Variants in SLFN13 observed in about 807,000 individuals in gnomAD.
SLFN13 encodes schlafen family member 13, also known as schlafen-13.
SLFN13 carries 43 observed loss-of-function variants against 50.6 expected under a neutral mutation model. That is an observed-to-expected ratio of 0.85 (90% CI 0.67 to 1.09). The LOEUF (loss-of-function observed/expected upper bound fraction) is 1.09. SLFN13 is among the 50% of genes least tolerant of loss of function. The pLI, the probability that SLFN13 is intolerant of heterozygous loss-of-function variation, is 0.00. For synonymous variants in SLFN13, 339 were observed against 386.5 expected (o/e 0.88, Z 1.44); for missense variants, 881 against 1,071.1 (o/e 0.82, Z 2.48).
At position 35,440,367 on chromosome 17, in the gene SLFN13, C is replaced by G. The variant is rs1174413197; in HGVS notation, c.*228G>C. ...TAGAAAACCACCATCTTTCTGGCTGCAAGAGTCAGGGGTCAGAATGGGGGG... is the reference window on the plus strand; with the variant it reads ...TAGAAAACCACCATCTTTCTGGCTGGAAGAGTCAGGGGTCAGAATGGGGGG... On this transcript the variant is annotated 3_prime_UTR_variant, in exon 6 of 6. Coordinates refer to ENST00000285013, the MANE Select transcript of SLFN13 (RefSeq NM_144682.6). The G allele has an allele frequency of 2.1e-5, 12 of 583,388 alleles. No homozygotes were observed. The highest frequency in any genetic ancestry group is 3.0e-5 in the Admixed American group (1 of 32,856). The allele number at this position is 583,388 out of a possible 1,614,324, so 36.1% of individuals were successfully genotyped here.
Position 35,445,530 on chromosome 17 carries a change from A to ACGCGGC in SLFN13, c.145_150dup (p.Ala49_Ala50dup). ...CCTCCTCCTGAGTTTAATAAAGCAC[A>ACGCGGC]CGCGGCCCGTATAACTCTCGCCCTC... On this transcript the variant is annotated inframe_insertion, in exon 3 of 6. Coordinates refer to ENST00000285013, the MANE Select transcript of SLFN13 (RefSeq NM_144682.6). The ACGCGGC allele has an allele frequency of 6.2e-7, 1 of 1,614,100 alleles. No homozygotes were observed. Among genetic ancestry groups the ACGCGGC allele is most frequent in the Non-Finnish European group, 8.5e-7 (1 of 1,180,012 alleles).
rs942647112 is a variant in SLFN13, at chr17:35,440,389, G to C, written c.*206C>G. The C allele has an allele frequency of 1.8e-5, 11 of 627,194 alleles. No homozygotes were observed. The highest frequency in any genetic ancestry group is 1.3e-4 in the African/African-American group (7 of 54,440). The allele number at this position is 627,194 out of a possible 1,614,324, so 38.9% of individuals were successfully genotyped here. ...CTGCAAGAGTCAGGGGTCAGAATGG[G>C]GGGCAGCCACCACTGCTGAAAAGAG... On this transcript the variant is annotated 3_prime_UTR_variant, in exon 6 of 6. Coordinates refer to ENST00000285013, the MANE Select transcript of SLFN13 (RefSeq NM_144682.6).
chr17:35,442,324 T>C (rs1429541929), intron 4 of SLFN13, 38 bp from the exon 5 acceptor site: 2 of 1,518,668 alleles, frequency 1.3e-6, no homozygotes, highest in Non-Finnish European at 1.8e-6. Flanking sequence ...TTTCACTGTG[T>C]TTATGTGATT....
At position 35,445,078 on chromosome 17, in the gene SLFN13, A is replaced by C; in HGVS notation, c.603T>G (p.Gly201=). Reference sequence around the variant, plus strand: ...GAGACTCAGGAAAAGATAGGATTTCACCATATTCAATAGTGTCAGTTTGGA... The same window carrying C: ...GAGACTCAGGAAAAGATAGGATTTCCCCATATTCAATAGTGTCAGTTTGGA... ...EVFQTDTIEY[G]EILSFPESPS... is the part of the protein sequence containing the mutation. The change falls in exon 3 of 6, where the codon GGT becomes GGG. Residue 201 remains glycine, a synonymous_variant. Transcript: ENST00000285013. The C allele has an allele frequency of 6.2e-7, 1 of 1,614,002 alleles. No individual in the cohort carries two copies. Among genetic ancestry groups the C allele is most frequent in the South Asian group, 1.1e-5 (1 of 91,080 alleles).
rs116769825 is a variant in SLFN13 at position 35,442,020 on chromosome 17, G to A, written c.1465C>T (p.Arg489Cys). ...TTCTGCTTCAAAGTAAAGGCGGTGCGAGTGCAGTAGTCCTGGCCCTCTGCA... is the reference window on the plus strand; with the variant it reads ...TTCTGCTTCAAAGTAAAGGCGGTGCAAGTGCAGTAGTCCTGGCCCTCTGCA... ...QDAEGQDYCT[R>C]TAFTLKQKLV... The change falls in exon 5 of 6, where the codon CGC becomes TGC. Residue 489 changes from arginine (R) to cysteine (C), a missense_variant. By Grantham distance (180) the Arg-to-Cys change is radical. Transcript: ENST00000285013. The A allele has an allele frequency of 6.4e-3, 10,163 of 1,584,822 alleles. 20 individuals are homozygous for A. Among genetic ancestry groups the A allele is most frequent in the African/African-American group, 0.047 (3,452 of 73,676 alleles).
chr17:35,435,555 A>C lies in SLFN13; in HGVS notation c.*5040T>G, dbSNP rs1313504168. The C allele has an allele frequency of 1.3e-5, 2 of 152,082 alleles. No individual in the cohort carries two copies. Among genetic ancestry groups the C allele is most frequent in the African/African-American group, 4.8e-5 (2 of 41,410 alleles). The allele number at this position is 152,082 out of a possible 1,614,324, so 9.4% of individuals were successfully genotyped here. ...TGCCTTGGCCTCTGGAAGTGCTGAGATTACAGGTGTGAGCCACCATGCTGG... is the reference window on the plus strand; with the variant it reads ...TGCCTTGGCCTCTGGAAGTGCTGAGCTTACAGGTGTGAGCCACCATGCTGG... On this transcript the variant is annotated 3_prime_UTR_variant, in exon 6 of 6. Coordinates refer to ENST00000285013, the MANE Select transcript of SLFN13 (RefSeq NM_144682.6).
Position 35,445,333 on chromosome 17 carries a change from A to C in SLFN13, c.348T>G (p.Pro116=), listed in dbSNP as rs1024848342. ...YIFVKSWSGD[P]FLKDGSFNSR... is the part of the protein sequence containing the mutation. ...AATTGAAAGAACCATCTTTAAGGAA[A>C]GGATCACCACTCCAAGATTTAACAA... Residue 116 remains proline, a synonymous_variant, in exon 3 of 6, where the codon CCT becomes CCG. Coordinates refer to ENST00000285013, the MANE Select transcript of SLFN13 (RefSeq NM_144682.6). 2 of 1,613,722 alleles carry C rather than the reference A, an allele frequency of 1.2e-6. No homozygotes were observed. Among genetic ancestry groups the C allele is most frequent in the African/African-American group, 2.7e-5 (2 of 74,902 alleles).
chr17:35,442,602 C>T (rs1912977890), intron 4 of SLFN13, among the ~76,000 whole-genome samples: 1 of 152,168 alleles, frequency 6.6e-6, no homozygotes, highest in Admixed American at 6.5e-5. Flanking sequence ...TGCCACCACG[C>T]CCGGCTATTT....
Position 35,445,228 on chromosome 17 carries a change from G to C in SLFN13, c.453C>G (p.Phe151Leu), listed in dbSNP as rs777118247. The change falls in exon 3 of 6, where the codon TTC becomes TTG. Residue 151 changes from phenylalanine to leucine, a missense_variant. This residue lies in a region of SLFN13 where 497 missense variants were observed against 518.3 expected (regional missense o/e 0.96). Transcript: ENST00000285013. ...SVLHMNSRQA[F>L]DFLKTKERQS... is the part of the protein sequence containing the mutation. Reference sequence around the variant, plus strand: ...GTCTTTCCTTGGTCTTCAGGAAATCGAATGCCTGTCTTGAATTCATGTGAA... The same window carrying C: ...GTCTTTCCTTGGTCTTCAGGAAATCCAATGCCTGTCTTGAATTCATGTGAA... The C allele has an allele frequency of 1.2e-6, 2 of 1,613,854 alleles. No individual in the cohort carries two copies. Among genetic ancestry groups the C allele is most frequent in the Non-Finnish European group, 1.7e-6 (2 of 1,179,994 alleles).
chr17:35,444,490 G>T, intron 3 of SLFN13, 125 bp downstream of exon 3: 1 of 836,784 alleles, frequency 1.2e-6, no homozygotes, highest in South Asian at 2.6e-5. Flanking sequence ...TCTATGAAAA[G>T]CATGGAGATT....
In SLFN13 at chr17:35,440,917, T is replaced by C; in HGVS notation, c.2372A>G (p.Tyr791Cys). Reference protein sequence around the residue: ...KNFTLEQIVTYVADTCRCFFE... With the variant: ...KNFTLEQIVTCVADTCRCFFE... ...GAAGCACCTGCAGGTGTCTGCCACA[T>C]AGGTCACTATTTGCTCCAAAGTAAA... The change falls in exon 6 of 6, where the codon TAT becomes TGT. Residue 791 changes from tyrosine (Y) to cysteine (C), a missense_variant. This residue lies in a region of SLFN13 where 322 missense variants were observed against 327.4 expected (regional missense o/e 0.98). Transcript: ENST00000285013. 3 of 1,614,060 alleles carry C rather than the reference T, an allele frequency of 1.9e-6. No homozygotes were observed. The highest frequency in any genetic ancestry group is 2.5e-6 in the Non-Finnish European group (3 of 1,180,012).
Position 35,441,122 on chromosome 17 carries a change from G to C in SLFN13, c.2167C>G (p.Pro723Ala). 1 of 1,614,030 alleles carries C rather than the reference G, an allele frequency of 6.2e-7. No homozygotes were observed. Among genetic ancestry groups the C allele is most frequent in the South Asian group, 1.1e-5 (1 of 91,072 alleles). The change falls in exon 6 of 6, where the codon CCA (proline) becomes GCA (alanine). Residue 723 changes from proline to alanine, a missense_variant. Physicochemically the swap from Pro to Ala is conservative, Grantham distance 27. Around this residue, in one of 5 missense-constraint regions of SLFN13, gnomAD observed 322 missense variants for 327.4 expected, o/e 0.98. Coordinates refer to ENST00000285013, the MANE Select transcript of SLFN13 (RefSeq NM_144682.6). ...SGLPPLSAQY[P>A]REELTRVVRN... ...ACTACTCTGGTGAGCTCTTCTCTTG[G>C]ATACTGTGCTGAGAGAGGGGGAAGG... is the stretch of plus-strand genomic sequence containing the variant.
chr17:35,441,325 A>G lies in SLFN13; in HGVS notation c.1964T>C (p.Leu655Pro). Residue 655 changes from leucine to proline, a missense_variant, in exon 6 of 6, where the codon CTA (leucine) becomes CCA (proline). Around this residue, in one of 5 missense-constraint regions of SLFN13, gnomAD observed 322 missense variants for 327.4 expected, o/e 0.98. Coordinates refer to ENST00000285013, the MANE Select transcript of SLFN13 (RefSeq NM_144682.6). ...TTGAATGTGTTCAAATTTTTCTCTT[A>G]GGAAAGTTTCCCGGGTCTCTGCTCG... is the stretch of plus-strand genomic sequence containing the variant. ...ICRAETRETFLREKFEHIQHI... is the reference protein window; with the variant it reads ...ICRAETRETFPREKFEHIQHI... 1 of 1,611,954 alleles carries G rather than the reference A, an allele frequency of 6.2e-7. No homozygotes were observed. Among genetic ancestry groups the G allele is most frequent in the Non-Finnish European group, 8.5e-7 (1 of 1,179,438 alleles).
rs1382809126 is a variant in SLFN13, at chr17:35,436,460, A to G, written c.*4135T>C. ...AAAAAATCTCAAATATTATGCGTTC[A>G]GAAGCAAAAACACCCCCCCTCCACA... On this transcript the variant is annotated 3_prime_UTR_variant, in exon 6 of 6. Transcript: ENST00000285013. The G allele has an allele frequency of 6.7e-6, 1 of 148,650 alleles. No homozygotes were observed. Among genetic ancestry groups the G allele is most frequent in the Non-Finnish European group, 1.5e-5 (1 of 67,456 alleles). The allele number at this position is 148,650 out of a possible 1,614,324, so 9.2% of individuals were successfully genotyped here. A position where few individuals can be genotyped will look rare whatever the true frequency, so the allele number is the denominator to read the frequency against.
In SLFN13 at chr17:35,440,905, G is replaced by A. The variant is rs1912831501; in HGVS notation, c.2384C>T (p.Thr795Ile). 1 of 1,614,078 alleles carries A rather than the reference G, an allele frequency of 6.2e-7. No individual in the cohort carries two copies. Among genetic ancestry groups the A allele is most frequent in the Non-Finnish European group, 8.5e-7 (1 of 1,180,028 alleles). Residue 795 changes from threonine to isoleucine, a missense_variant, in exon 6 of 6, where the codon ACC (threonine) becomes ATC (isoleucine). Thr to Ile is a moderately conservative substitution (Grantham distance 89, BLOSUM62 -1). Coordinates refer to ENST00000285013, the MANE Select transcript of SLFN13 (RefSeq NM_144682.6). ...GCCCCTTTCAAAGAAGCACCTGCAG[G>A]TGTCTGCCACATAGGTCACTATTTG... is the stretch of plus-strand genomic sequence containing the variant. Reference protein sequence around the residue: ...LEQIVTYVADTCRCFFERGYS... With the variant: ...LEQIVTYVADICRCFFERGYS...
In SLFN13 at chr17:35,445,552, C is replaced by T. The variant is rs1469367126; in HGVS notation, c.129G>A (p.Arg43=). The change falls in exon 3 of 6, where the codon AGG becomes AGA. Residue 43 remains arginine (R), a synonymous_variant. Transcript: ENST00000285013. ...CACACGCGGCCCGTATAACTCTCGCCCTCTCTTGGTCTCTCTGAGTTTTCT... is the reference window on the plus strand; with the variant it reads ...CACACGCGGCCCGTATAACTCTCGCTCTCTCTTGGTCTCTCTGAGTTTTCT... ...KLQKTQRDQE[R]ARVIRAACAL... is the part of the protein sequence containing the mutation. 1 of 1,614,086 alleles carries T rather than the reference C, an allele frequency of 6.2e-7. No individual in the cohort carries two copies. Among genetic ancestry groups the T allele is most frequent in the South Asian group, 1.1e-5 (1 of 91,070 alleles).
At chr17:35,443,755 C>T in intron 4 of SLFN13, 34 bp downstream of exon 4, 1 of 1,595,064 alleles carries the variant, frequency 6.3e-7, no homozygotes, top group Non-Finnish European at 8.6e-7. Context: ...AAATGACTTC[C>T]TTCTCTCCTG....
At position 35,444,623 on chromosome 17, in the gene SLFN13, G is replaced by T; in HGVS notation, c.1058C>A (p.Ala353Glu). 1.2e-6 allele frequency: 2 copies of T among 1,613,614 alleles called. No homozygotes were observed. The highest frequency in any genetic ancestry group is 1.7e-6 in the Non-Finnish European group (2 of 1,179,618). ...TEEWVEKMMD[A>E]DPEFPPDFAE... ...ATCTGGTTCCCTCTTACCTGGATCT[G>T]CGTCCATCATTTTCTCTACCCATTC... Residue 353 changes from alanine (A) to glutamate (E), a missense_variant, in exon 3 of 6, where the codon GCA (alanine) becomes GAA (glutamate). By Grantham distance (107) the Ala-to-Glu change is moderately radical (BLOSUM62 -1). This residue lies in a region of SLFN13 where 497 missense variants were observed against 518.3 expected (regional missense o/e 0.96). Coordinates refer to ENST00000285013, the MANE Select transcript of SLFN13 (RefSeq NM_144682.6).
In SLFN13 at chr17:35,439,878, C is replaced by T. The variant is rs144766978; in HGVS notation, c.*717G>A. ...TTTGGGTTTCTAATATTAACTTCTA[C>T]TGAAAGCCAGCATTTTCTCTTGGCC... is the stretch of plus-strand genomic sequence containing the variant. On this transcript the variant is annotated 3_prime_UTR_variant, in exon 6 of 6. Coordinates refer to ENST00000285013, the MANE Select transcript of SLFN13 (RefSeq NM_144682.6). 1.3e-5 allele frequency: 2 copies of T among 152,268 alleles called. No homozygotes were observed. Among genetic ancestry groups the T allele is most frequent in the African/African-American group, 4.8e-5 (2 of 41,564 alleles). 9.4% of individuals were successfully genotyped at this position (152,268 alleles called of 1,614,324 possible).
Sources: allele counts gnomAD v4.1 joint callset (sites outside exome capture counted in the v4.1 genomes callset), GRCh38; gene constraint gnomAD v4.1.1; regional missense constraint gnomAD v4.1.1; transcripts MANE v1.5; gene names NCBI Gene and HGNC (gene_info 2026-07-23, HGNC 2026-07-21).